The following CNIH3 variants were observed in gnomAD, a reference collection of about 807,000 sequenced individuals.
CNIH3 encodes the protein protein cornichon homolog 3.
CNIH3 carries 14 observed loss-of-function variants against 24.1 expected under a neutral mutation model. The observed-to-expected ratio is 0.58, with a 90% confidence interval of 0.38 to 0.91. CNIH3 has a LOEUF of 0.91. CNIH3 is among the 40% of genes least tolerant of loss of function. The pLI is 0.00. For synonymous variants in CNIH3, 68 were observed against 73.8 expected (o/e 0.92, Z 0.40); for missense variants, 178 against 196.8 (o/e 0.90, Z 0.57).
At chr1:224,617,698 G>C (rs1398091688) in intron 1 of CNIH3, among the ~76,000 whole-genome samples, 1 of 152,254 alleles carries the variant, frequency 6.6e-6, no homozygotes, top group Non-Finnish European at 1.5e-5. Flanking sequence ...TGGAGACAAA[G>C]TGGAAACACG....
rs946157609 is a variant in CNIH3 at position 224,609,619 on chromosome 1, A to C, written n.402+43355A>C. Among the ~76,000 whole-genome samples the C allele has an allele frequency of 7.2e-5, 11 of 152,218 alleles. No individual in the cohort carries two copies. In the East Asian group the frequency reaches 2.1e-3, roughly 29 times the overall value. The stretch of plus-strand genomic sequence containing the variant: ...ATTTATGGCACTGAAAAGTTTACAG[A>C]GTTCATTTATGGGGGAAAATACTGT... On this transcript the variant is annotated intron_variant and non_coding_transcript_variant, in intron 3 of 7. Coordinates refer to the CNIH3 transcript ENST00000478120.
intron 1 of CNIH3, among the ~76,000 whole-genome samples, chr1:224,470,045 G>T (rs1464998104): frequency 3.3e-5 from 5 of 150,914 alleles, no homozygotes; most frequent in Admixed American, 1.3e-4. Context: ...TGGAGACAGA[G>T]TCTCGCTTTG....
chr1:224,718,941 C>T (rs1208306185), intron 3 of CNIH3: 3 of 152,236 alleles, frequency 2.0e-5, no homozygotes, highest in African/African-American at 7.2e-5. Flanking sequence ...TTTGCCTACT[C>T]ACCAGTGTGT....
At chr1:224,705,208 C>A (rs750684341) in intron 3 of CNIH3, among the ~76,000 whole-genome samples, 2 of 152,116 alleles carry the variant, frequency 1.3e-5, no homozygotes, top group Non-Finnish European at 2.9e-5. Flanking sequence ...CCACTTTTTT[C>A]ATGACACTGA....
At chr1:224,498,790 C>A (rs1677538347) in intron 1 of CNIH3, among the ~76,000 whole-genome samples, 1 of 152,228 alleles carries the variant, frequency 6.6e-6, no homozygotes, top group Non-Finnish European at 1.5e-5. Flanking sequence ...ACCTTCACTG[C>A]CCTGGCGTCA....
At chr1:224,634,890 C>T (rs1258365617) in intron 1 of CNIH3, among the ~76,000 whole-genome samples, 1 of 152,196 alleles carries the variant, frequency 6.6e-6, no homozygotes, top group Non-Finnish European at 1.5e-5. Flanking sequence ...GAGCTGCTAG[C>T]TCATAATTAG....
rs567857293 is a variant in CNIH3 at position 224,677,881 on chromosome 1, G to T, written c.82-3077G>T. The stretch of plus-strand genomic sequence containing the variant: ...GCCTATATGTGGGGCACTAACAGTT[G>T]TGGAGTTCTGCAGCTGTCCAGATAC... On this transcript the variant is annotated intron_variant, in intron 1 of 5. Coordinates refer to ENST00000272133, the MANE Select transcript of CNIH3 (RefSeq NM_152495.2). Among the ~76,000 whole-genome samples the T allele has an allele frequency of 9.2e-5, 14 of 152,336 alleles. No homozygotes were observed. In the South Asian group the frequency reaches 2.9e-3, roughly 32 times the overall value.
chr1:224,615,817 C>G (rs937968413), upstream of CNIH3: 1 of 152,246 alleles, frequency 6.6e-6, no homozygotes, highest in South Asian at 2.1e-4. Context: ...AAACGCAGCC[C>G]TAAGCACTGA....
intron 1 of CNIH3, among the ~76,000 whole-genome samples, chr1:224,437,279 G>A (rs1244657151): frequency 2.0e-5 from 3 of 152,160 alleles, no homozygotes; most frequent in Non-Finnish European, 2.9e-5. Flanking sequence ...TGATTCATTT[G>A]TATTTGCTTC....
chr1:224,474,969 C>T (rs1325247856), intron 1 of CNIH3, among the ~76,000 whole-genome samples: 17 of 149,444 alleles, frequency 1.1e-4, no homozygotes, highest in African/African-American at 7.4e-5. Flanking sequence ...GGCGTGAACC[C>T]GGGAGGCGGG....
At position 224,484,159 on chromosome 1, in the gene CNIH3, A is replaced by G. The variant is rs1305271513; in HGVS notation, n.204-31582A>G. Among the ~76,000 whole-genome samples the G allele has an allele frequency of 2.0e-3, 271 of 135,140 alleles. 2 individuals are homozygous for G. The highest frequency in any genetic ancestry group is 7.0e-3 in the African/African-American group (257 of 36,738). The allele number at this position is 135,140 out of a possible 152,430, so 88.7% of individuals were successfully genotyped here. On this transcript the variant is annotated intron_variant and non_coding_transcript_variant, in intron 1 of 5. Transcript: ENST00000471578. ...GCACTCTAGCCTGGGCAACAAGAGC[A>G]AAACTCTGTCTCAAAAAAAAAAAAA...
At chr1:224,439,680 C>T (rs1674808510) in intron 1 of CNIH3, among the ~76,000 whole-genome samples, 1 of 152,022 alleles carries the variant, frequency 6.6e-6, no homozygotes, top group African/African-American at 2.4e-5. Context: ...GGCGCAATCT[C>T]GGCTCACTGC....
At chr1:224,636,035 C>A (rs1344164788) in intron 1 of CNIH3, among the ~76,000 whole-genome samples, 1 of 152,128 alleles carries the variant, frequency 6.6e-6, no homozygotes. Flanking sequence ...TGGAATGTTT[C>A]GTTTAAGAAA....
rs190602792 is a variant in CNIH3 at position 224,479,973 on chromosome 1, G to A, written n.204-35768G>A. On this transcript the variant is annotated intron_variant and non_coding_transcript_variant, in intron 1 of 5. Coordinates refer to the CNIH3 transcript ENST00000471578. The stretch of plus-strand genomic sequence containing the variant: ...GCCCCAGTAGAGACTCTGTGTGGGG[G>A]CTTCGACCCCACATTTCCCTTCTGC... Among the ~76,000 whole-genome samples, 121 of 152,270 alleles carry A rather than the reference G, an allele frequency of 7.9e-4. 1 individual carries two copies. The East Asian group carries it at 0.02, about 25-fold the overall frequency.
intron 3 of CNIH3, among the ~76,000 whole-genome samples, chr1:224,687,809 A>T (rs1176932502): frequency 6.6e-6 from 1 of 152,204 alleles, no homozygotes. Context: ...GCACGAGGGA[A>T]TCTCAAATCC....
intron 1 of CNIH3, among the ~76,000 whole-genome samples, chr1:224,497,755 T>C (rs1677495039): frequency 6.6e-6 from 1 of 152,190 alleles, no homozygotes; most frequent in African/African-American, 2.4e-5. Flanking sequence ...CACTGCTGGC[T>C]GTATGGTGGT....
intron 2 of CNIH3, among the ~76,000 whole-genome samples, chr1:224,521,819 A>G (rs993553083): frequency 6.6e-6 from 1 of 152,210 alleles, no homozygotes; most frequent in Admixed American, 6.5e-5. Flanking sequence ...GTTACATGAC[A>G]TAATAAATCT....
chr1:224,632,534 T>C (rs369613925), intron 1 of CNIH3, among the ~76,000 whole-genome samples: 3 of 152,020 alleles, frequency 2.0e-5, no homozygotes, highest in Non-Finnish European at 4.4e-5. Flanking sequence ...GCAGTGGTCA[T>C]GTCACAAGAG....
At chr1:224,484,914 C>A (rs1404249102) in intron 1 of CNIH3, among the ~76,000 whole-genome samples, 1 of 152,100 alleles carries the variant, frequency 6.6e-6, no homozygotes, top group Non-Finnish European at 1.5e-5. Context: ...TTTTTTATGT[C>A]ATTGACTGTG....
Sources: allele counts gnomAD v4.1 joint callset (sites outside exome capture counted in the v4.1 genomes callset), GRCh38; gene constraint gnomAD v4.1.1; transcripts MANE v1.5; gene names NCBI Gene and HGNC (gene_info 2026-07-23, HGNC 2026-07-21).